The following ME3 variants were observed in gnomAD, a reference collection of about 807,000 sequenced individuals.
ME3 encodes malic enzyme 3.
In ME3, 48 loss-of-function variants were observed where a neutral mutation model predicts 68.9. The ratio of observed to expected loss-of-function variants is 0.70; its 90% CI spans 0.55 to 0.89. ME3 has a LOEUF of 0.89. ME3 is among the 40% of genes least tolerant of loss of function. The pLI is 0.00. For missense variants in ME3, 675 were observed against 797.4 expected (o/e 0.85, Z 1.85); for synonymous variants, 320 against 318.8 (o/e 1.00, Z -0.04).
intron 7 of ME3, among the ~76,000 whole-genome samples, chr11:86,477,187 A>G (rs552748423): frequency 6.6e-6 from 1 of 152,214 alleles, no homozygotes; most frequent in Non-Finnish European, 1.5e-5. Flanking sequence ...TCACTCGTTG[A>G]TAAGTGTTAA....
chr11:86,511,555 A>C (rs1953528517), intron 4 of ME3, among the ~76,000 whole-genome samples: 1 of 152,146 alleles, frequency 6.6e-6, no homozygotes, highest in South Asian at 2.1e-4. Flanking sequence ...GGAGGAATTT[A>C]GTTTCTAATT....
intron 2 of ME3, among the ~76,000 whole-genome samples, chr11:86,671,067 G>T: frequency 6.6e-6 from 1 of 152,312 alleles, no homozygotes; most frequent in South Asian, 2.1e-4. Context: ...AAGAGCTAGC[G>T]GTGGGTTGAA....
chr11:86,505,923 A>G (rs1953042550), intron 5 of ME3, among the ~76,000 whole-genome samples: 1 of 152,210 alleles, frequency 6.6e-6, no homozygotes, highest in South Asian at 2.1e-4. Context: ...GTGGGCAGCC[A>G]GTCACCTGTC....
chr11:86,475,870 T>G (rs147164579), intron 7 of ME3, among the ~76,000 whole-genome samples: 13,061 of 105,248 alleles, frequency 0.12, 694 homozygotes, highest in African/African-American at 0.19. Flanking sequence ...TATATATATA[T>G]ATATAGAGAG....
intron 6 of ME3, among the ~76,000 whole-genome samples, chr11:86,495,144 C>T (rs912347888): frequency 2.0e-5 from 3 of 152,178 alleles, no homozygotes; most frequent in African/African-American, 7.2e-5. Context: ...GATTCGGCTC[C>T]TAGCCCTGCC....
intron 2 of ME3, among the ~76,000 whole-genome samples, chr11:86,643,587 C>G (rs912045977): frequency 1.3e-5 from 2 of 152,150 alleles, no homozygotes; most frequent in Non-Finnish European, 2.9e-5. Context: ...GATCAAAGGC[C>G]AGCTACTTTA....
chr11:86,482,448 G>A (rs180707386), intron 7 of ME3, among the ~76,000 whole-genome samples: 92 of 151,882 alleles, frequency 6.1e-4, no homozygotes, highest in African/African-American at 2.2e-3. Context: ...CTTTTCTCAC[G>A]CCTTCCTATA....
At chr11:86,616,984 A>G (rs1391218577) in intron 2 of ME3, among the ~76,000 whole-genome samples, 1 of 149,838 alleles carries the variant, frequency 6.7e-6, no homozygotes, top group African/African-American at 2.4e-5. Context: ...TAAGGGGTAT[A>G]CATGAACTCT....
At position 86,515,802 on chromosome 11, in the gene ME3, A is replaced by G. The variant is rs1375022066; in HGVS notation, c.468-6935T>C. 4.6e-5 allele frequency among the ~76,000 whole-genome samples: 7 copies of G among 152,168 alleles called. 1 individual carries two copies. Among genetic ancestry groups the G allele is most frequent in the South Asian group, 2.1e-4 (1 of 4,832 alleles). ...ATCTTCTCTCCTTGAGAATGAGTCA[A>G]AACCCCTTTGACAGCTAATGTGACA... On this transcript the variant is annotated intron_variant, in intron 4 of 14. Coordinates refer to ENST00000543262, the Ensembl canonical transcript of ME3.
chr11:86,624,171 A>T (rs7941446), intron 2 of ME3, among the ~76,000 whole-genome samples: 58,642 of 152,034 alleles, frequency 0.39, 11,973 homozygotes, highest in East Asian at 0.7. Context: ...TTATTGGCCA[A>T]AAGAAAGAAG....
At chr11:86,448,199 G>C (rs369279478) in exon 11 of ME3, 47 of 1,614,032 alleles carry the variant, frequency 2.9e-5, no homozygotes, top group Non-Finnish European at 3.6e-5. Flanking sequence ...CCAGGGAGTT[G>C]ACTTCAGGAT....
chr11:86,458,679 T>C (rs1950071378), intron 8 of ME3, among the ~76,000 whole-genome samples: 1 of 151,898 alleles, frequency 6.6e-6, no homozygotes, highest in Middle Eastern at 3.2e-3. Flanking sequence ...CAGGGGAAGT[T>C]TCATGGCAGG....
intron 6 of ME3, among the ~76,000 whole-genome samples, chr11:86,489,514 G>A (rs1443035686): frequency 1.3e-5 from 2 of 152,196 alleles, no homozygotes; most frequent in African/African-American, 4.8e-5. Context: ...AGCCATGGAG[G>A]TGTGTGGCTC....
intron 14 of ME3, among the ~76,000 whole-genome samples, chr11:86,442,526 C>T (rs149995866): frequency 4.5e-4 from 68 of 152,264 alleles, no homozygotes; most frequent in African/African-American, 1.6e-3. Flanking sequence ...TAAATGGGCG[C>T]TTATGAGTCA....
intron 2 of ME3, among the ~76,000 whole-genome samples, chr11:86,599,586 A>C (rs1055020617): frequency 6.6e-6 from 1 of 152,242 alleles, no homozygotes; most frequent in Non-Finnish European, 1.5e-5. Flanking sequence ...ATTCAGATTC[A>C]GGAAATACAG....
At chr11:86,671,048 C>T (rs1429289335) in intron 2 of ME3, among the ~76,000 whole-genome samples, 5 of 152,196 alleles carry the variant, frequency 3.3e-5, no homozygotes, top group Non-Finnish European at 7.3e-5. Context: ...TTCCCAAAAA[C>T]AAATACAAAA....
At chr11:86,477,522 C>T (rs997278725) in intron 7 of ME3, among the ~76,000 whole-genome samples, 5 of 152,244 alleles carry the variant, frequency 3.3e-5, no homozygotes, top group East Asian at 1.9e-4. Flanking sequence ...CCCTGCTCCC[C>T]GCCACCCATA....
At chr11:86,542,563 A>G (rs1365391325) in intron 4 of ME3, among the ~76,000 whole-genome samples, 1 of 152,246 alleles carries the variant, frequency 6.6e-6, no homozygotes, top group Non-Finnish European at 1.5e-5. Context: ...CAAAGATGGA[A>G]GATCAACTTA....
chr11:86,541,408 C>T (rs1956041918), intron 4 of ME3, among the ~76,000 whole-genome samples: 2 of 152,196 alleles, frequency 1.3e-5, no homozygotes, highest in Admixed American at 6.5e-5. Context: ...TTGAAATTCT[C>T]GCTGCCAGCA....
Sources: gnomAD v4.1 joint callset for allele counts (sites outside exome capture counted in the v4.1 genomes callset) on GRCh38, gnomAD v4.1.1 for gene constraint, MANE v1.5 for transcripts, NCBI Gene and HGNC (gene_info 2026-07-23, HGNC 2026-07-21) for gene names.